The following ZNF106 variants were observed in gnomAD, a reference collection of about 807,000 sequenced individuals.
ZNF106 encodes zinc finger protein 106.
A neutral mutation model predicts 195.1 loss-of-function variants in ZNF106; 67 were observed. That is an observed-to-expected ratio of 0.34 (90% confidence interval 0.28 to 0.42). The LOEUF is 0.42. Ranked by LOEUF, ZNF106 falls within the 10% of genes least tolerant of loss-of-function variation. The pLI is 1.00. For missense variants in ZNF106, 2,118 were observed against 2,304.5 expected, an observed-to-expected ratio of 0.92 and a Z score of 1.66; for synonymous variants, 784 against 818.6, an observed-to-expected ratio of 0.96 and a Z score of 0.72.
chr15:42,427,854 T>C (rs1193836274), intron 15 of ZNF106, among the ~76,000 whole-genome samples, 164 bp downstream of exon 15: 1 of 152,248 alleles, frequency 6.6e-6, no homozygotes, highest in African/African-American at 2.4e-5. Context: ...ATGGAGGATC[T>C]TGTTTCACTT....
At chr15:42,421,402 G>C (rs2054653285) in intron 19 of ZNF106, among the ~76,000 whole-genome samples, 1 of 152,114 alleles carries the variant, frequency 6.6e-6, no homozygotes, top group East Asian at 1.9e-4. Context: ...ACTTTAACTG[G>C]GGTAGCCCTG....
intron 3 of ZNF106, among the ~76,000 whole-genome samples, chr15:42,463,658 G>T (rs1306762049): frequency 6.6e-6 from 1 of 152,088 alleles, no homozygotes; most frequent in Non-Finnish European, 1.5e-5. Context: ...AAGCCAAAAG[G>T]GTGTGGTGGC....
chr15:42,463,771 G>C (rs1476243717), intron 3 of ZNF106, among the ~76,000 whole-genome samples: 1 of 152,102 alleles, frequency 6.6e-6, no homozygotes, highest in Admixed American at 6.5e-5. Flanking sequence ...CGGCACCCCA[G>C]CCTGGTGACA....
At chr15:42,426,906 C>G (rs2054880451) in intron 15 of ZNF106, among the ~76,000 whole-genome samples, 1 of 152,102 alleles carries the variant, frequency 6.6e-6, no homozygotes, top group African/African-American at 2.4e-5. Flanking sequence ...TCGAACAGAC[C>G]AAATCACTTG....
chr15:42,427,929 GA>G, intron 15 of ZNF106, 88 bp downstream of exon 15: 1 of 1,105,114 alleles, frequency 9.0e-7, no homozygotes, highest in Non-Finnish European at 1.4e-6. Flanking sequence ...AAGAAAATAG[GA>G]AAATCCCTGC....
At chr15:42,424,137 A>T in intron 16 of ZNF106, 77 bp from the exon 17 acceptor site, 11 of 1,265,396 alleles carry the variant, frequency 8.7e-6, no homozygotes, top group Non-Finnish European at 1.2e-5. Flanking sequence ...ACACATTGGC[A>T]AATTCTAATT....
intron 4 of ZNF106, among the ~76,000 whole-genome samples, chr15:42,453,450 C>T (rs370767228): frequency 1.3e-5 from 2 of 152,296 alleles, no homozygotes; most frequent in African/African-American, 4.8e-5. Flanking sequence ...CTATGGTGTG[C>T]ATGGGCATGG....
intron 14 of ZNF106, among the ~76,000 whole-genome samples, chr15:42,433,282 T>C (rs1352682911): frequency 1.3e-5 from 2 of 151,836 alleles, no homozygotes; most frequent in Admixed American, 1.3e-4. Context: ...ATTTTTCGTA[T>C]TTTTAGTAGA....
chr15:42,437,832 C>T (rs1256040652), intron 12 of ZNF106, among the ~76,000 whole-genome samples: 1 of 148,464 alleles, frequency 6.7e-6, no homozygotes, highest in Non-Finnish European at 1.5e-5. Flanking sequence ...CACTTGAACC[C>T]AGAGGCAGAG....
At chr15:42,436,766 A>G (rs72707477) in intron 13 of ZNF106, among the ~76,000 whole-genome samples, 15,787 of 152,262 alleles carry the variant, frequency 0.1, 947 homozygotes, top group Non-Finnish European at 0.14. Context: ...TACCTCCTCC[A>G]GTACTTCCCC....
intron 9 of ZNF106, 39 bp from the exon 10 acceptor site, chr15:42,442,453 G>T (rs762364158): frequency 9.2e-6 from 14 of 1,529,830 alleles, no homozygotes; most frequent in Middle Eastern, 1.8e-4. Flanking sequence ...ATGCAAAAAT[G>T]TTATCTGAAA....
In ZNF106 at chr15:42,439,627, C is replaced by T; in HGVS notation, c.3950G>A (p.Gly1317Glu). ...SAGLSSINKEGEEPTKGNSGS... is the reference protein window; with the variant it reads ...SAGLSSINKEEEEPTKGNSGS... ...ACTATTGCCTTTGGTTGGCTCTTCCCCTTCTTTATTTATGCTAGAAAGACC... is the reference window on the plus strand; with the variant it reads ...ACTATTGCCTTTGGTTGGCTCTTCCTCTTCTTTATTTATGCTAGAAAGACC... The change falls in exon 11 of 22, where the codon GGG (glycine) becomes GAG (glutamate). Residue 1317 changes from glycine to glutamate, a missense_variant. Coordinates refer to ENST00000564754, the MANE Select transcript of ZNF106 (RefSeq NM_001366845.3). 6.2e-7 allele frequency: 1 copy of T among 1,613,810 alleles called. No individual in the cohort carries two copies. The highest frequency in any genetic ancestry group is 1.7e-5 in the Admixed American group (1 of 59,940).
chr15:42,430,546 G>A (rs964368456), intron 14 of ZNF106, among the ~76,000 whole-genome samples: 1 of 151,722 alleles, frequency 6.6e-6, no homozygotes, highest in African/African-American at 2.4e-5. Context: ...CGCATGCCTA[G>A]TTAATTTTTA....
At position 42,450,893 on chromosome 15, in the gene ZNF106, T is replaced by A. The variant is rs375233066; in HGVS notation, c.1379A>T (p.Lys460Ile). 26 of 1,614,006 alleles carry A rather than the reference T, an allele frequency of 1.6e-5. No individual in the cohort carries two copies. The highest frequency in any genetic ancestry group is 1.9e-5 in the Non-Finnish European group (23 of 1,180,026). The stretch of plus-strand genomic sequence containing the variant: ...ATTTGGTGTATGCTCTTGTTCAGGT[T>A]TTTCTGCAGTGGGGCACTGTCTCAC... ...EVVRQCPTAE[K>I]PEQEHTPNKM... is the part of the protein sequence containing the mutation. Residue 460 changes from lysine (K) to isoleucine (I), a missense_variant, in exon 5 of 22, where the codon AAA becomes ATA. Transcript: ENST00000564754.
At chr15:42,424,653 A>AT (rs2054788306) in intron 16 of ZNF106, 181 bp downstream of exon 16, 4 of 585,956 alleles carry the variant, frequency 6.8e-6, no homozygotes, top group African/African-American at 3.7e-5. Context: ...TAATTTTTGT[A>AT]TTTTTTTGTA....
intron 20 of ZNF106, among the ~76,000 whole-genome samples, chr15:42,418,374 T>C (rs2054530289): frequency 6.7e-6 from 1 of 150,360 alleles, no homozygotes; most frequent in South Asian, 2.1e-4. Flanking sequence ...TTTTTTTTTT[T>C]TGAGATGGAG....
At chr15:42,470,615 T>C (rs1040889191) in intron 2 of ZNF106, among the ~76,000 whole-genome samples, 5 of 151,970 alleles carry the variant, frequency 3.3e-5, no homozygotes, top group Non-Finnish European at 7.4e-5. Flanking sequence ...CATGGAAAAG[T>C]ATGAAGAGAT....
chr15:42,479,537 GT>G lies in ZNF106; in HGVS notation c.-32-7217del, dbSNP rs1297009854. ...TTGTGTGGAAATCATTTATATTGAT[GT>G]TTTTTTTAAAGACAGGGTCTCGGCC... is the stretch of plus-strand genomic sequence containing the variant. On this transcript the variant is annotated intron_variant, in intron 1 of 21. Transcript: ENST00000564754. 3.3e-5 allele frequency among the ~76,000 whole-genome samples: 5 copies of G among 151,696 alleles called. No individual in the cohort carries two copies. The East Asian group carries it at 7.8e-4, about 24-fold the overall frequency.
At chr15:42,427,677 A>G (rs960850172) in intron 15 of ZNF106, 1 of 191,188 alleles carries the variant, frequency 5.2e-6, no homozygotes, top group Admixed American at 5.4e-5. Flanking sequence ...ATTTTAGTGT[A>G]TGTGCTGTCA....
Sources: allele counts gnomAD v4.1 joint callset (sites outside exome capture counted in the v4.1 genomes callset), GRCh38; gene constraint gnomAD v4.1.1; transcripts MANE v1.5; gene names NCBI Gene and HGNC (gene_info 2026-07-23, HGNC 2026-07-21).